The following AOX1 variants were observed in gnomAD, a reference collection of about 807,000 sequenced individuals.
AOX1 encodes the protein aldehyde oxidase.
In AOX1, 153 loss-of-function variants were observed where a neutral mutation model predicts 169.5. That is an observed-to-expected ratio of 0.90 (90% CI 0.79 to 1.03). The LOEUF (loss-of-function observed/expected upper bound fraction) is 1.03, where lower values mean the gene tolerates loss of function less well. Ranked by LOEUF, AOX1 falls within the 50% of genes least tolerant of loss-of-function variation. The probability of loss-of-function intolerance (pLI) is 0.00; values close to 1 mark genes in which losing one functional copy is unlikely to be tolerated. For synonymous variants in AOX1, 562 were observed against 581.9 expected, an observed-to-expected ratio of 0.97 and a Z score of 0.49; for missense variants, 1,656 against 1,663.9, an observed-to-expected ratio of 1.00 and a Z score of 0.08.
intron 16 of AOX1, among the ~76,000 whole-genome samples, chr2:200,617,317 C>A (rs2105717235): frequency 6.6e-6 from 1 of 152,120 alleles, no homozygotes; most frequent in African/African-American, 2.4e-5. Flanking sequence ...CATTTTTCCC[C>A]TAAATCAGTT....
At chr2:200,607,995 A>T (rs2034550670) in intron 10 of AOX1, among the ~76,000 whole-genome samples, 2 of 152,186 alleles carry the variant, frequency 1.3e-5, no homozygotes, top group Admixed American at 1.3e-4. Flanking sequence ...AAGGGAGAGC[A>T]TTAGGACAAA....
chr2:200,637,037 G>A lies in AOX1; in HGVS notation c.2473G>A (p.Ala825Thr), dbSNP rs746205075. Reference protein sequence around the residue: ...GIIAAVTAFAANKHGRAVRCV... With the variant: ...GIIAAVTAFATNKHGRAVRCV... ...CATTGCAGCCGTCACTGCATTTGCC[G>A]CAAACAAGTAAGTGGAGAAAATCTG... Residue 825 changes from alanine (A) to threonine (T), a missense_variant, in exon 22 of 35, where the codon GCA becomes ACA. By Grantham distance (58) the Ala-to-Thr change is moderately conservative. Coordinates refer to ENST00000374700, the MANE Select transcript of AOX1 (RefSeq NM_001159.4). 8.4e-5 allele frequency: 136 copies of A among 1,613,556 alleles called. No individual in the cohort carries two copies. In the South Asian group the frequency reaches 1.0e-3, roughly 12 times the overall value.
At position 200,621,242 on chromosome 2, in the gene AOX1, A is replaced by G. The variant is rs1235410558; in HGVS notation, c.1997A>G (p.Asp666Gly). The G allele has an allele frequency of 1.2e-6, 2 of 1,613,254 alleles. No homozygotes were observed. Among genetic ancestry groups the G allele is most frequent in the Admixed American group, 3.3e-5 (2 of 59,744 alleles). ...FTEAEKFLATDKVFCVGQLVC... is the reference protein window; with the variant it reads ...FTEAEKFLATGKVFCVGQLVC... ...GAAGCTGAGAAATTTCTGGCGACAG[A>G]TAAGGTACTGCATTTTTGCTTTCTA... The change falls in exon 18 of 35, where the codon GAT becomes GGT. Residue 666 changes from aspartate to glycine, a missense_variant. Transcript: ENST00000374700.
downstream of AOX1, among the ~76,000 whole-genome samples, chr2:200,672,756 G>T (rs1415962649): frequency 6.6e-6 from 1 of 152,230 alleles, no homozygotes; most frequent in African/African-American, 2.4e-5. Flanking sequence ...TGGAGCAGGT[G>T]GCAGGTTGTG....
In AOX1 at chr2:200,632,747, C is replaced by T. The variant is rs538750180; in HGVS notation, c.2222-2044C>T. Among the ~76,000 whole-genome samples the T allele has an allele frequency of 1.0e-3, 152 of 152,056 alleles. 1 individual carries two copies. The highest frequency in any genetic ancestry group is 2.0e-3 in the Non-Finnish European group (135 of 67,998). On this transcript the variant is annotated intron_variant, in intron 20 of 34. Coordinates refer to ENST00000374700, the MANE Select transcript of AOX1 (RefSeq NM_001159.4). ...CTTCATCTGAAAATGTCCTCATTTCCCTTTCATTGTTGAAAGATATTTTTG... is the reference window on the plus strand; with the variant it reads ...CTTCATCTGAAAATGTCCTCATTTCTCTTTCATTGTTGAAAGATATTTTTG...
Position 200,651,217 on chromosome 2 carries a change from G to T in AOX1, c.3075+16G>T, listed in dbSNP as rs1048566657. ...TGCTGGTCAGGTGAGTTCTCCAAAT[G>T]CACATGAGGATGCTGCCTGGAAGCA... is the stretch of plus-strand genomic sequence containing the variant. On this transcript the variant is annotated intron_variant, in intron 26 of 34. Coordinates refer to ENST00000374700, the MANE Select transcript of AOX1 (RefSeq NM_001159.4). 1 of 1,607,878 alleles carries T rather than the reference G, an allele frequency of 6.2e-7. No homozygotes were observed. Among genetic ancestry groups the T allele is most frequent in the Admixed American group, 1.7e-5 (1 of 59,984 alleles).
chr2:200,657,669 A>G (rs13385678), intron 27 of AOX1, among the ~76,000 whole-genome samples: 7,585 of 152,258 alleles, frequency 0.05, 358 homozygotes, highest in East Asian at 0.26. Flanking sequence ...AATTGCTAAT[A>G]TAAATCACCT....
intron 14 of AOX1, among the ~76,000 whole-genome samples, chr2:200,613,298 C>T (rs1284664521): frequency 6.6e-6 from 1 of 152,178 alleles, no homozygotes; most frequent in Non-Finnish European, 1.5e-5. Context: ...GAAAGGCAGA[C>T]TGGCCAAAAT....
chr2:200,644,920 T>G (rs1315960177), intron 25 of AOX1, among the ~76,000 whole-genome samples: 2 of 152,172 alleles, frequency 1.3e-5, no homozygotes, highest in Non-Finnish European at 2.9e-5. Flanking sequence ...TGCTGAATTC[T>G]TTTATCAGTT....
chr2:200,620,269 G>T (rs954258156), intron 16 of AOX1, among the ~76,000 whole-genome samples: 3 of 150,344 alleles, frequency 2.0e-5, no homozygotes, highest in Non-Finnish European at 4.4e-5. Context: ...TGTGATCTTG[G>T]CTCGCTGCAA....
intron 2 of AOX1, among the ~76,000 whole-genome samples, chr2:200,594,231 G>A (rs945349993): frequency 1.3e-5 from 2 of 152,192 alleles, no homozygotes; most frequent in African/African-American, 4.8e-5. Flanking sequence ...CAGAACCACT[G>A]GGGATGGTTG....
At chr2:200,678,723 A>AT (rs918491098), downstream of AOX1, 7 of 121,392 alleles carry the variant, frequency 5.8e-5, no homozygotes, top group African/African-American at 2.0e-4. Flanking sequence ...AGCAAAGCAA[A>AT]TTAAAAAAAA....
intron 16 of AOX1, among the ~76,000 whole-genome samples, chr2:200,620,253 C>A (rs1173415941): frequency 6.8e-6 from 1 of 147,268 alleles, no homozygotes; most frequent in Non-Finnish European, 1.5e-5. Context: ...GGCCGGGGTG[C>A]AGTGCTGTGA....
At chr2:200,651,259 A>G in intron 26 of AOX1, 58 bp downstream of exon 26, 9 of 1,482,404 alleles carry the variant, frequency 6.1e-6, no homozygotes, top group Non-Finnish European at 8.5e-6. Flanking sequence ...ACAAAGCAAG[A>G]GGTGTTGAGG....
downstream of AOX1, among the ~76,000 whole-genome samples, chr2:200,673,206 GTC>G (rs1296697450): frequency 6.6e-6 from 1 of 152,172 alleles, no homozygotes; most frequent in Non-Finnish European, 1.5e-5. Flanking sequence ...CTCTTTCCCA[GTC>G]TCTCTGCCTG....
chr2:200,648,685 G>C (rs1306701618), intron 25 of AOX1, among the ~76,000 whole-genome samples: 1 of 152,170 alleles, frequency 6.6e-6, no homozygotes, highest in Non-Finnish European at 1.5e-5. Context: ...CACTACCAGA[G>C]TGAATAGGGA....
intron 31 of AOX1, among the ~76,000 whole-genome samples, chr2:200,665,055 G>A (rs1034096460): frequency 6.6e-6 from 1 of 152,162 alleles, no homozygotes; most frequent in African/African-American, 2.4e-5. Flanking sequence ...ACTGGCTGTT[G>A]GCCAGAGGCC....
intron 1 of AOX1, among the ~76,000 whole-genome samples, chr2:200,590,609 G>T (rs1365060816): frequency 1.3e-5 from 2 of 152,052 alleles, no homozygotes; most frequent in Non-Finnish European, 2.9e-5. Flanking sequence ...CAAACTGGTG[G>T]GACTTTGAGC....
At chr2:200,593,452 G>A (rs1297353044) in intron 2 of AOX1, among the ~76,000 whole-genome samples, 2 of 143,320 alleles carry the variant, frequency 1.4e-5, no homozygotes, top group Admixed American at 7.2e-5. Flanking sequence ...CTTAATAGAC[G>A]TTAAAAGGAC....
Sources: gnomAD v4.1 joint callset for allele counts (sites outside exome capture counted in the v4.1 genomes callset) on GRCh38, gnomAD v4.1.1 for gene constraint, MANE v1.5 for transcripts, NCBI Gene and HGNC (gene_info 2026-07-23, HGNC 2026-07-21) for gene names.